The following B3GALT1 variants were observed in gnomAD, a reference collection of about 807,000 sequenced individuals.
B3GALT1 encodes beta-1,3-galactosyltransferase 1.
B3GALT1 carries 10 observed loss-of-function variants against 23.2 expected under a neutral mutation model. The ratio of observed to expected loss-of-function variants is 0.43; its 90% CI spans 0.27 to 0.73. The LOEUF (loss-of-function observed/expected upper bound fraction) is 0.73. Ranked by LOEUF, B3GALT1 falls within the 30% of genes least tolerant of loss-of-function variation. B3GALT1 has a pLI of 0.21. For missense variants in B3GALT1, 299 were observed against 405.4 expected (o/e 0.74, Z 2.25); for synonymous variants, 156 against 141.5 (o/e 1.10, Z -0.73).
intron 2 of B3GALT1, among the ~76,000 whole-genome samples, chr2:167,590,007 T>C (rs549014211): frequency 6.6e-6 from 1 of 152,238 alleles, no homozygotes; most frequent in South Asian, 2.1e-4. Flanking sequence ...GAAAATCTTT[T>C]GTATTGTGTT....
At chr2:167,728,324 T>G (rs1390263362) in intron 3 of B3GALT1, among the ~76,000 whole-genome samples, 1 of 152,142 alleles carries the variant, frequency 6.6e-6, no homozygotes, top group East Asian at 1.9e-4. Context: ...GAGGTGAAGG[T>G]TGCAGTGAGG....
intron 1 of B3GALT1, among the ~76,000 whole-genome samples, chr2:167,342,524 A>T (rs1697165423): frequency 6.6e-6 from 1 of 150,784 alleles, no homozygotes; most frequent in Admixed American, 6.6e-5. Flanking sequence ...CGGGAGGCAG[A>T]GGTTGCAGTG....
intron 3 of B3GALT1, among the ~76,000 whole-genome samples, chr2:167,733,181 G>A (rs1047343037): frequency 6.6e-6 from 1 of 152,042 alleles, no homozygotes; most frequent in African/African-American, 2.4e-5. Context: ...GGACATGAGG[G>A]GAACTTATGG....
chr2:167,327,872 A>G (rs769954092), intron 1 of B3GALT1, among the ~76,000 whole-genome samples: 2 of 151,712 alleles, frequency 1.3e-5, no homozygotes, highest in Non-Finnish European at 2.9e-5. Context: ...CATACATGCC[A>G]TTTATTATTT....
At chr2:167,411,038 A>G (rs1439814768) in intron 1 of B3GALT1, among the ~76,000 whole-genome samples, 1 of 152,124 alleles carries the variant, frequency 6.6e-6, no homozygotes, top group Non-Finnish European at 1.5e-5. Flanking sequence ...AGTTTGAATC[A>G]AAAAATGTAT....
At chr2:167,450,078 T>C (rs1699063923) in intron 1 of B3GALT1, among the ~76,000 whole-genome samples, 1 of 152,172 alleles carries the variant, frequency 6.6e-6, no homozygotes, top group Non-Finnish European at 1.5e-5. Context: ...CCTTGCCTAG[T>C]TTTGGCATTA....
rs143288816 is a variant in B3GALT1, at chr2:167,703,953, G to A, written c.-352+56987G>A. Among the ~76,000 whole-genome samples, 666 of 152,102 alleles carry A rather than the reference G, an allele frequency of 4.4e-3. 2 individuals are homozygous for A. The highest frequency in any genetic ancestry group is 0.014 in the African/African-American group (601 of 41,472). On this transcript the variant is annotated intron_variant, in intron 3 of 4. Transcript: ENST00000392690. Reference sequence around the variant, plus strand: ...TCCCAGCACTTTGGGAGGCCAAGGCGGGCGGATCACGAGGTCAGGAGATCA... The same window carrying A: ...TCCCAGCACTTTGGGAGGCCAAGGCAGGCGGATCACGAGGTCAGGAGATCA...
intron 3 of B3GALT1, among the ~76,000 whole-genome samples, chr2:167,803,981 C>T (rs1378938207): frequency 1.3e-5 from 2 of 152,062 alleles, no homozygotes; most frequent in African/African-American, 4.8e-5. Flanking sequence ...CACATATTTG[C>T]CCTGATTTAT....
At chr2:167,699,856 G>T (rs1686850973) in intron 3 of B3GALT1, among the ~76,000 whole-genome samples, 1 of 152,004 alleles carries the variant, frequency 6.6e-6, no homozygotes, top group Admixed American at 6.6e-5. Flanking sequence ...GGGATTAGAG[G>T]CACCCGCCAC....
chr2:167,849,232 CT>C (rs1363970950), intron 4 of B3GALT1, among the ~76,000 whole-genome samples: 4 of 152,026 alleles, frequency 2.6e-5, no homozygotes, highest in Non-Finnish European at 5.9e-5. Context: ...AAAAACAATT[CT>C]AAAATTCATA....
At chr2:167,740,068 C>T (rs1687555900) in intron 3 of B3GALT1, among the ~76,000 whole-genome samples, 2 of 151,308 alleles carry the variant, frequency 1.3e-5, no homozygotes, top group African/African-American at 4.9e-5. Flanking sequence ...TGCCATACTC[C>T]AGCCTGGGCA....
intron 3 of B3GALT1, among the ~76,000 whole-genome samples, chr2:167,671,375 A>G (rs1320582496): frequency 6.6e-6 from 1 of 152,198 alleles, no homozygotes; most frequent in African/African-American, 2.4e-5. Context: ...TGTCAAGTGC[A>G]AAGAGAATAT....
Position 167,534,223 on chromosome 2 carries a change from CTT to C in B3GALT1, c.-410+43949_-410+43950del, listed in dbSNP as rs1306083864. Among the ~76,000 whole-genome samples the C allele has an allele frequency of 3.9e-5, 6 of 152,278 alleles. No homozygotes were observed. The South Asian group carries it at 1.0e-3, about 26-fold the overall frequency. ...AAGACATTGCTTTCTCCCATCCTCT[CTT>C]TTCTTTCCCTCTGGAATCTCATGTT... On this transcript the variant is annotated intron_variant, in intron 2 of 4. Coordinates refer to ENST00000392690, the MANE Select transcript of B3GALT1 (RefSeq NM_020981.4).
intron 3 of B3GALT1, among the ~76,000 whole-genome samples, chr2:167,672,423 G>A (rs1176528801): frequency 6.6e-6 from 1 of 152,126 alleles, no homozygotes; most frequent in Non-Finnish European, 1.5e-5. Context: ...CCCTAAAAAT[G>A]CACAGCCCTA....
chr2:167,572,127 G>A (rs1229704803), intron 2 of B3GALT1, among the ~76,000 whole-genome samples: 1 of 151,634 alleles, frequency 6.6e-6, no homozygotes, highest in African/African-American at 2.4e-5. Flanking sequence ...AGTAGAAACA[G>A]AAGTAAAGGG....
chr2:167,459,380 A>G (rs1699221043), intron 1 of B3GALT1, among the ~76,000 whole-genome samples: 1 of 152,190 alleles, frequency 6.6e-6, no homozygotes, highest in African/African-American at 2.4e-5. Context: ...GTAACATACA[A>G]AACTCTGATA....
At chr2:167,703,341 T>A (rs1389517414) in intron 3 of B3GALT1, among the ~76,000 whole-genome samples, 2 of 152,176 alleles carry the variant, frequency 1.3e-5, no homozygotes, top group African/African-American at 4.8e-5. Flanking sequence ...CTAGAAGGTA[T>A]GCAAGTGGCT....
intron 3 of B3GALT1, among the ~76,000 whole-genome samples, chr2:167,653,671 T>G (rs1316060406): frequency 6.6e-6 from 1 of 152,150 alleles, no homozygotes. Flanking sequence ...CCTAATAGGC[T>G]TCCTCATTTG....
chr2:167,685,524 G>A (rs1399869883), intron 3 of B3GALT1, among the ~76,000 whole-genome samples: 1 of 152,178 alleles, frequency 6.6e-6, no homozygotes, highest in Admixed American at 6.5e-5. Flanking sequence ...TTGGAGTTGA[G>A]AGCTCTGAAT....
Sources: allele counts gnomAD v4.1 joint callset (sites outside exome capture counted in the v4.1 genomes callset), GRCh38; gene constraint gnomAD v4.1.1; transcripts MANE v1.5; gene names NCBI Gene and HGNC (gene_info 2026-07-23, HGNC 2026-07-21).